AKAP13: variants seen among roughly 807,000 people sequenced by gnomAD.
AKAP13 encodes A-kinase anchoring protein 13.
AKAP13 carries 80 observed loss-of-function variants against 264.5 expected under a neutral mutation model. The ratio of observed to expected loss-of-function variants is 0.30; its 90% confidence interval spans 0.25 to 0.36. The LOEUF (loss-of-function observed/expected upper bound fraction) is 0.36, where lower values mean the gene tolerates loss of function less well. Ranked by LOEUF, AKAP13 falls within the 10% of genes least tolerant of loss-of-function variation. The probability of loss-of-function intolerance (pLI) is 1.00; values close to 1 mark genes in which losing one functional copy is unlikely to be tolerated. For synonymous variants in AKAP13, 1,380 were observed against 1,250.2 expected, an observed-to-expected ratio of 1.10 and a Z score of -2.19; for missense variants, 3,712 against 3,435.2, an observed-to-expected ratio of 1.08 and a Z score of -2.01.
chr15:85,426,813 T>G lies in AKAP13; in HGVS notation c.-12+46015T>G, dbSNP rs1331079052. Among the ~76,000 whole-genome samples the G allele has an allele frequency of 2.0e-5, 3 of 152,338 alleles. No individual in the cohort carries two copies. In the East Asian group the frequency reaches 5.8e-4, roughly 29 times the overall value. The stretch of plus-strand genomic sequence containing the variant: ...CAATGTATTTTCTGATGATATCCTT[T>G]CCTTCATAAACATCTCTAAAGAATT... On this transcript the variant is annotated intron_variant, in intron 1 of 36. Coordinates refer to ENST00000394518, the MANE Select transcript of AKAP13 (RefSeq NM_007200.5).
At chr15:85,464,695 G>A (rs2074657067) in intron 1 of AKAP13, among the ~76,000 whole-genome samples, 1 of 152,232 alleles carries the variant, frequency 6.6e-6, no homozygotes, top group Non-Finnish European at 1.5e-5. Flanking sequence ...CTCGGAAGCA[G>A]TGTAACTAGA....
At chr15:85,383,084 C>T (rs1340847351) in intron 1 of AKAP13, among the ~76,000 whole-genome samples, 6 of 151,442 alleles carry the variant, frequency 4.0e-5, no homozygotes, top group South Asian at 2.1e-4. Flanking sequence ...TTTTTAGAGT[C>T]GGAATCTTCA....
chr15:85,606,761 A>G (rs1199793487), intron 8 of AKAP13, among the ~76,000 whole-genome samples: 1 of 152,242 alleles, frequency 6.6e-6, no homozygotes, highest in African/African-American at 2.4e-5. Flanking sequence ...CAGGTGTAAA[A>G]TAATCTGAGA....
intron 27 of AKAP13, 108 bp downstream of exon 27, chr15:85,726,594 C>A: frequency 1.1e-6 from 1 of 926,782 alleles, no homozygotes; most frequent in Non-Finnish European, 1.6e-6. Context: ...TTAAATGGCT[C>A]AGGACAAATT....
chr15:85,515,246 G>T (rs1446706128), intron 2 of AKAP13, among the ~76,000 whole-genome samples: 1 of 138,620 alleles, frequency 7.2e-6, no homozygotes, highest in Non-Finnish European at 1.5e-5. Context: ...AAGCTGTAAG[G>T]ATAGAACAGA....
At chr15:85,441,185 A>G (rs1240177043) in intron 1 of AKAP13, among the ~76,000 whole-genome samples, 1 of 152,158 alleles carries the variant, frequency 6.6e-6, no homozygotes, top group Non-Finnish European at 1.5e-5. Context: ...ACATTTTGCC[A>G]ATACTTGGTA....
chr15:85,445,565 G>A (rs1008468129), intron 1 of AKAP13, among the ~76,000 whole-genome samples: 6 of 152,170 alleles, frequency 3.9e-5, no homozygotes, highest in South Asian at 2.1e-4. Context: ...ATATGACAGC[G>A]TGCTCTTATG....
At chr15:85,702,239 TCA>T (rs3223062) in intron 17 of AKAP13, 24,834 of 146,464 alleles carry the variant, frequency 0.17, 2,276 homozygotes, top group Non-Finnish European at 0.23. Context: ...AGAGCAAGAC[TCA>T]CACACACACA....
In AKAP13 at chr15:85,688,473, C is replaced by T. The variant is rs151084594; in HGVS notation, c.5289+3600C>T. 3.9e-5 allele frequency among the ~76,000 whole-genome samples: 6 copies of T among 152,166 alleles called. No homozygotes were observed. In the East Asian group the frequency reaches 9.6e-4, roughly 24 times the overall value. On this transcript the variant is annotated intron_variant, in intron 16 of 36. Coordinates refer to ENST00000394518, the MANE Select transcript of AKAP13 (RefSeq NM_007200.5). ...ATCTACCGAATATAATATTAAAATG[C>T]CACCTGTAACTCTTAGAGAAGTGTC...
chr15:85,737,190 G>A (rs2088599435), intron 33 of AKAP13, among the ~76,000 whole-genome samples: 2 of 152,094 alleles, frequency 1.3e-5, no homozygotes, highest in African/African-American at 4.8e-5. Flanking sequence ...AAAGTGCTGG[G>A]ATTACAGGCA....
At chr15:85,567,944 G>GTGTGTGTA (rs1296667122) in intron 5 of AKAP13, among the ~76,000 whole-genome samples, 4 of 85,340 alleles carry the variant, frequency 4.7e-5, no homozygotes, top group African/African-American at 1.7e-4. Flanking sequence ...CCAAAGAGGT[G>GTGTGTGTA]TGTGTGTGTG....
In AKAP13 at chr15:85,606,890, A is replaced by T. The variant is rs1161872768; in HGVS notation, c.4161+21067A>T. Among the ~76,000 whole-genome samples the T allele has an allele frequency of 2.0e-5, 3 of 152,250 alleles. No individual in the cohort carries two copies. In the East Asian group the frequency reaches 5.8e-4, roughly 29 times the overall value. On this transcript the variant is annotated intron_variant, in intron 8 of 36. Coordinates refer to ENST00000394518, the MANE Select transcript of AKAP13 (RefSeq NM_007200.5). ...TCCCAGGATCACCTCTCAGAGCTAG[A>T]TGCTCTTTACCCCAATGGGTCACAC...
intron 1 of AKAP13, among the ~76,000 whole-genome samples, chr15:85,482,463 G>T (rs1441924481): frequency 3.3e-5 from 5 of 152,216 alleles, no homozygotes; most frequent in African/African-American, 1.2e-4. Context: ...GAGGAGTATG[G>T]TGTCTGGCAC....
chr15:85,629,505 A>G (rs2081587693), intron 8 of AKAP13, among the ~76,000 whole-genome samples: 1 of 152,142 alleles, frequency 6.6e-6, no homozygotes, highest in Non-Finnish European at 1.5e-5. Flanking sequence ...CCATGCACTT[A>G]CTACTCATTG....
At chr15:85,485,413 T>C (rs189280168) in intron 1 of AKAP13, among the ~76,000 whole-genome samples, 1 of 152,364 alleles carries the variant, frequency 6.6e-6, no homozygotes, top group Admixed American at 6.5e-5. Context: ...TTTGCTTTGA[T>C]AACTGTTTTA....
chr15:85,575,564 C>T (rs1468568791), intron 6 of AKAP13, among the ~76,000 whole-genome samples: 6 of 152,030 alleles, frequency 3.9e-5, no homozygotes, highest in Admixed American at 3.9e-4. Context: ...TGGTGGCGGG[C>T]GCCTGTAGTC....
At chr15:85,734,030 C>T (rs376878076) in intron 30 of AKAP13, among the ~76,000 whole-genome samples, 20 of 151,878 alleles carry the variant, frequency 1.3e-4, no homozygotes, top group East Asian at 3.9e-4. Flanking sequence ...TTAGTAAAGA[C>T]GGGGTTTCTC....
chr15:85,731,202 C>T (rs1230207166), intron 30 of AKAP13, among the ~76,000 whole-genome samples: 1 of 151,948 alleles, frequency 6.6e-6, no homozygotes, highest in Non-Finnish European at 1.5e-5. Context: ...TACAGGGTTT[C>T]ACCATGTTGG....
At chr15:85,491,339 C>T (rs1481111552) in intron 2 of AKAP13, among the ~76,000 whole-genome samples, 10 of 151,868 alleles carry the variant, frequency 6.6e-5, no homozygotes, top group Admixed American at 2.6e-4. Context: ...TCTGCTGACC[C>T]TGGGCAGATG....
Sources: allele counts gnomAD v4.1 joint callset (sites outside exome capture counted in the v4.1 genomes callset), GRCh38; gene constraint gnomAD v4.1.1; transcripts MANE v1.5; gene names NCBI Gene and HGNC (gene_info 2026-07-23, HGNC 2026-07-21).